The following VPS41 variants were observed in gnomAD, a reference collection of about 807,000 sequenced individuals.
VPS41 encodes the protein vacuolar protein sorting-associated protein 41 homolog.
In VPS41, 85 loss-of-function variants were observed where a neutral mutation model predicts 130.9. The ratio of observed to expected loss-of-function variants is 0.65; its 90% confidence interval spans 0.55 to 0.78. The LOEUF is 0.78. Among genes scored for constraint, VPS41 ranks in the 30% least tolerant of loss-of-function variants. VPS41 has a pLI of 0.00. For synonymous variants in VPS41, 335 were observed against 332.9 expected (o/e 1.01, Z -0.07); for missense variants, 874 against 1,018.7 (o/e 0.86, Z 1.93).
At chr7:38,864,713 C>G (rs530238996) in intron 3 of VPS41, among the ~76,000 whole-genome samples, 3 of 151,922 alleles carry the variant, frequency 2.0e-5, no homozygotes, top group Admixed American at 1.3e-4. Flanking sequence ...ATTTTACCCA[C>G]CTTCCAGCCA....
rs183272666 is a variant in VPS41 at position 38,750,633 on chromosome 7, A to G, written c.1926+1543T>C. On this transcript the variant is annotated intron_variant, in intron 22 of 28. Transcript: ENST00000310301. Reference sequence around the variant, plus strand: ...GCAAGCCATATGTGTAGGAAGCATCACATGCAGGTCTGCAACATTCTGCTG... The same window carrying G: ...GCAAGCCATATGTGTAGGAAGCATCGCATGCAGGTCTGCAACATTCTGCTG... 4.6e-5 allele frequency among the ~76,000 whole-genome samples: 7 copies of G among 152,356 alleles called. No individual in the cohort carries two copies. The East Asian group carries it at 1.3e-3, about 29-fold the overall frequency.
At chr7:38,892,507 C>T (rs1182233913) in intron 2 of VPS41, among the ~76,000 whole-genome samples, 1 of 152,188 alleles carries the variant, frequency 6.6e-6, no homozygotes, top group Non-Finnish European at 1.5e-5. Context: ...TCACACGATA[C>T]TTGTTCCATT....
chr7:38,806,566 T>C (rs1562593411), intron 7 of VPS41, among the ~76,000 whole-genome samples: 2 of 152,166 alleles, frequency 1.3e-5, no homozygotes, highest in African/African-American at 4.8e-5. Context: ...TTTATTATTA[T>C]AAAAATAATG....
intron 27 of VPS41, among the ~76,000 whole-genome samples, chr7:38,727,555 G>A (rs1584357524): frequency 6.6e-6 from 1 of 152,166 alleles, no homozygotes; most frequent in African/African-American, 2.4e-5. Flanking sequence ...CTGTAGAGTG[G>A]GAATGTATGT....
At chr7:38,849,297 C>A (rs1785798034) in intron 4 of VPS41, among the ~76,000 whole-genome samples, 1 of 152,096 alleles carries the variant, frequency 6.6e-6, no homozygotes, top group Admixed American at 6.5e-5. Context: ...TCTGAAGCCC[C>A]AGTGGGGGTG....
chr7:38,798,735 A>G (rs1486976691), intron 7 of VPS41, among the ~76,000 whole-genome samples: 3 of 152,162 alleles, frequency 2.0e-5, no homozygotes, highest in African/African-American at 7.2e-5. Flanking sequence ...GGTTGGCAGG[A>G]TGGCCGGGAG....
chr7:38,906,451 C>T (rs10244901), intron 1 of VPS41, among the ~76,000 whole-genome samples: 39,040 of 151,640 alleles, frequency 0.26, 6,418 homozygotes, highest in Non-Finnish European at 0.38. Context: ...CTCAAGCAAT[C>T]CTCCCACCTC....
intron 16 of VPS41, among the ~76,000 whole-genome samples, 188 bp from the exon 17 acceptor site, chr7:38,763,735 C>A (rs1213467569): frequency 6.6e-6 from 1 of 151,976 alleles, no homozygotes; most frequent in African/African-American, 2.4e-5. Flanking sequence ...AATATATTTT[C>A]AAAAGTATAT....
At chr7:38,745,416 T>C (rs1454154431) in intron 23 of VPS41, 143 bp downstream of exon 23, 8 of 685,738 alleles carry the variant, frequency 1.2e-5, no homozygotes, top group Admixed American at 1.0e-4. Context: ...TGAAGTCTGT[T>C]TCATATATTA....
At chr7:38,800,930 C>T (rs1480366258) in intron 7 of VPS41, among the ~76,000 whole-genome samples, 1 of 152,228 alleles carries the variant, frequency 6.6e-6, no homozygotes, top group Non-Finnish European at 1.5e-5. Flanking sequence ...TTTACATAAA[C>T]TGTATATACT....
At chr7:38,791,428 T>C (rs1784533724) in intron 9 of VPS41, among the ~76,000 whole-genome samples, 1 of 152,218 alleles carries the variant, frequency 6.6e-6, no homozygotes, top group African/African-American at 2.4e-5. Flanking sequence ...GCAGTGCTCC[T>C]GAGTTAAGGC....
chr7:38,770,535 G>C (rs894837742), intron 14 of VPS41, among the ~76,000 whole-genome samples: 1 of 151,906 alleles, frequency 6.6e-6, no homozygotes, highest in Admixed American at 6.6e-5. Context: ...GTTTTACAGA[G>C]AAGTTTACGG....
chr7:38,737,689 G>A (rs930412845), intron 25 of VPS41, among the ~76,000 whole-genome samples: 4 of 152,132 alleles, frequency 2.6e-5, no homozygotes, highest in Non-Finnish European at 5.9e-5. Context: ...CAAATATGGG[G>A]GTCGATCACC....
intron 2 of VPS41, 131 bp downstream of exon 2, chr7:38,897,960 C>G (rs1787045617): frequency 7.6e-6 from 5 of 658,380 alleles, no homozygotes; most frequent in Non-Finnish European, 1.3e-5. Flanking sequence ...AGCTCTTCCC[C>G]AAGGCTTAGT....
At chr7:38,730,554 C>T (rs76373844) in intron 25 of VPS41, among the ~76,000 whole-genome samples, 399 of 151,996 alleles carry the variant, frequency 2.6e-3, no homozygotes, top group African/African-American at 9.2e-3. Context: ...TAAAATTCTA[C>T]CAGGAATCAA....
At chr7:38,727,177 T>G (rs111626649) in intron 27 of VPS41, 189 bp from the exon 28 acceptor site, 2 of 430,124 alleles carry the variant, frequency 4.6e-6, no homozygotes, top group African/African-American at 4.1e-5. Context: ...ATAATCATGT[T>G]GCTATGCGAT....
At chr7:38,846,939 G>A (rs1785739003) in intron 4 of VPS41, among the ~76,000 whole-genome samples, 1 of 151,454 alleles carries the variant, frequency 6.6e-6, no homozygotes, top group South Asian at 2.1e-4. Context: ...TCAGGAGTCT[G>A]GAAACACAGT....
chr7:38,787,873 C>T (rs1784467708), intron 10 of VPS41, among the ~76,000 whole-genome samples: 1 of 152,154 alleles, frequency 6.6e-6, no homozygotes, highest in African/African-American at 2.4e-5. Flanking sequence ...AAAAATGGTA[C>T]TTAACCATTA....
intron 25 of VPS41, among the ~76,000 whole-genome samples, chr7:38,740,004 G>A (rs1229075832): frequency 2.0e-5 from 3 of 152,132 alleles, no homozygotes; most frequent in African/African-American, 7.2e-5. Context: ...AATGAACACT[G>A]AGATCACAGT....
Sources: allele counts gnomAD v4.1 joint callset (sites outside exome capture counted in the v4.1 genomes callset), GRCh38; gene constraint gnomAD v4.1.1; transcripts MANE v1.5; gene names NCBI Gene and HGNC (gene_info 2026-07-23, HGNC 2026-07-21).